FAM53C: variants seen among roughly 807,000 people sequenced by gnomAD.
FAM53C encodes protein FAM53C.
FAM53C carries 10 observed loss-of-function variants against 34.7 expected under a neutral mutation model. That is an observed-to-expected ratio of 0.29 (90% CI 0.18 to 0.49). The LOEUF (loss-of-function observed/expected upper bound fraction) is 0.49, where lower values mean the gene tolerates loss of function less well. Among genes scored for constraint, FAM53C ranks in the 20% least tolerant of loss-of-function variants. The probability of loss-of-function intolerance (pLI) is 0.99; values close to 1 mark genes in which losing one functional copy is unlikely to be tolerated. For missense variants in FAM53C, 442 were observed against 515.3 expected (o/e 0.86, Z 1.38); for synonymous variants, 203 against 203.6 (o/e 1.00, Z 0.03).
upstream of FAM53C, chr5:138,338,004 T>G: frequency 2.3e-6 from 3 of 1,289,600 alleles, no homozygotes; most frequent in Non-Finnish European, 3.0e-6. Context: ...TGCCTCCAAC[T>G]GGGGCCGTCC....
upstream of FAM53C, chr5:138,337,884 G>A: frequency 9.0e-7 from 1 of 1,115,664 alleles, no homozygotes; most frequent in South Asian, 1.3e-5. Context: ...TGCGTGACGC[G>A]GCCCGAACCG....
At chr5:138,342,099 A>G in intron 3 of FAM53C, 1 of 513,286 alleles carries the variant, frequency 1.9e-6, no homozygotes, top group Admixed American at 3.4e-5. Flanking sequence ...TTGAATAGGT[A>G]ATACATTCAC....
At chr5:138,338,589 A>ACCC (rs60039274) in intron 1 of FAM53C, among the ~76,000 whole-genome samples, 2 of 126,968 alleles carry the variant, frequency 1.6e-5, no homozygotes, top group Non-Finnish European at 3.4e-5. Flanking sequence ...GCCCTGGCGC[A>ACCC]CCCCCCCCCC....
rs764011405 is a variant in FAM53C, at chr5:138,341,173, C to T, written c.-152-11C>T. 2.1e-5 allele frequency: 16 copies of T among 752,444 alleles called. 1 individual carries two copies. The highest frequency in any genetic ancestry group is 2.1e-4 in the South Asian group (15 of 72,550). 46.6% of individuals were successfully genotyped at this position (752,444 alleles called of 1,614,324 possible). On this transcript the variant is annotated splice_polypyrimidine_tract_variant and intron_variant, in intron 1 of 4. Coordinates refer to ENST00000239906, the MANE Select transcript of FAM53C (RefSeq NM_016605.3). ...CTAATATCACTTGGGGCTGGTCCCT[C>T]TAATTGGCAGACTCAGCAGGCATGA...
At chr5:138,344,710 CAT>C in intron 3 of FAM53C, 113 bp from the exon 4 acceptor site, 2 of 855,522 alleles carry the variant, frequency 2.3e-6, no homozygotes, top group Non-Finnish European at 3.5e-6. Flanking sequence ...CTACCTACCT[CAT>C]AAGGTTTTTG....
rs1050848686 is a variant in FAM53C at position 138,341,497 on chromosome 5, C to T, written c.78+84C>T. 9 of 1,247,582 alleles carry T rather than the reference C, an allele frequency of 7.2e-6. No individual in the cohort carries two copies. In the African/African-American group the frequency reaches 8.8e-5, roughly 12 times the overall value. The allele number at this position is 1,247,582 out of a possible 1,614,324, so 77.3% of individuals were successfully genotyped here. On this transcript the variant is annotated intron_variant, in intron 2 of 4. Transcript: ENST00000239906. ...TTGTTGCTATTACTTTACTCTTGTCCTGTGCTGTATGAATCATGGTACTTA... is the reference window on the plus strand; with the variant it reads ...TTGTTGCTATTACTTTACTCTTGTCTTGTGCTGTATGAATCATGGTACTTA...
Position 138,345,440 on chromosome 5 carries a change from C to G in FAM53C, c.752C>G (p.Ser251Cys). 1 of 1,614,016 alleles carries G rather than the reference C, an allele frequency of 6.2e-7. No individual in the cohort carries two copies. The highest frequency in any genetic ancestry group is 8.5e-7 in the Non-Finnish European group (1 of 1,180,044). The change falls in exon 4 of 5, where the codon TCT (serine) becomes TGT (cysteine). Residue 251 changes from serine to cysteine, a missense_variant. By Grantham distance (112) the Ser-to-Cys change is moderately radical (BLOSUM62 -1). Coordinates refer to ENST00000239906, the MANE Select transcript of FAM53C (RefSeq NM_016605.3). The surrounding 1 kb of genome is among the most constrained non-coding windows in gnomAD (Gnocchi z 6.3). ...ASRFLPSARS[S>C]PASSPELPWR... ...CGCTTCTTGCCCTCTGCCCGGAGCTCTCCCGCATCCTCCCCAGAGCTGCCC... is the reference window on the plus strand; with the variant it reads ...CGCTTCTTGCCCTCTGCCCGGAGCTGTCCCGCATCCTCCCCAGAGCTGCCC...
chr5:138,337,963 C>T, upstream of FAM53C: 1 of 1,289,420 alleles, frequency 7.8e-7, no homozygotes, highest in Non-Finnish European at 1.0e-6. Context: ...TACCTTCTTC[C>T]GACATGGCCT....
chr5:138,344,806 T>C lies in FAM53C; in HGVS notation c.137-19T>C. The C allele has an allele frequency of 6.6e-7, 1 of 1,512,656 alleles. No individual in the cohort carries two copies. Among genetic ancestry groups the C allele is most frequent in the Non-Finnish European group, 8.8e-7 (1 of 1,131,276 alleles). The allele number at this position is 1,512,656 out of a possible 1,614,324, so 93.7% of individuals were successfully genotyped here. On this transcript the variant is annotated intron_variant, in intron 3 of 4. Coordinates refer to ENST00000239906, the MANE Select transcript of FAM53C (RefSeq NM_016605.3). ...TGTAAGCTATCATTAATATTATTCT[T>C]ATTATAAATGCCTTCCAGAAGGTGC...
chr5:138,347,442 C>T lies in FAM53C; in HGVS notation c.*483C>T, dbSNP rs1218384009. ...TAGCCTTAGGGAAGGAAGGCAATTG[C>T]TCCTTAACAGCAGAGTATCATGATA... On this transcript the variant is annotated 3_prime_UTR_variant, in exon 5 of 5. Coordinates refer to ENST00000239906, the MANE Select transcript of FAM53C (RefSeq NM_016605.3). The T allele has an allele frequency of 1.2e-5, 2 of 170,760 alleles. No individual in the cohort carries two copies. The highest frequency in any genetic ancestry group is 4.8e-5 in the African/African-American group (2 of 41,524). The allele number at this position is 170,760 out of a possible 1,614,324, so 10.6% of individuals were successfully genotyped here. A position where few individuals can be genotyped will look rare whatever the true frequency, so the allele number is the denominator to read the frequency against.
Position 138,338,297 on chromosome 5 carries a change from G to T in FAM53C, c.-163G>T, listed in dbSNP as rs535091734. 138 of 660,006 alleles carry T rather than the reference G, an allele frequency of 2.1e-4. No homozygotes were observed. The highest frequency in any genetic ancestry group is 1.3e-3 in the South Asian group (87 of 68,256). 40.9% of individuals were successfully genotyped at this position (660,006 alleles called of 1,614,324 possible). On this transcript the variant is annotated 5_prime_UTR_variant, in exon 1 of 5. Coordinates refer to ENST00000239906, the MANE Select transcript of FAM53C (RefSeq NM_016605.3). The stretch of plus-strand genomic sequence containing the variant: ...GCTCCGGCCGCGGCCCTGGGAGCTG[G>T]AGGAACCGCGGTAGGTGGTGGAGGG...
In FAM53C at chr5:138,341,516, G is replaced by A. The variant is rs555441836; in HGVS notation, c.78+103G>A. The A allele has an allele frequency of 1.1e-4, 123 of 1,132,396 alleles. No individual in the cohort carries two copies. The African/African-American group carries it at 1.6e-3, about 15-fold the overall frequency. 70.1% of individuals were successfully genotyped at this position (1,132,396 alleles called of 1,614,324 possible). ...CTTGTCCTGTGCTGTATGAATCATG[G>A]TACTTAACCTGGAAGAGCCCACTAA... is the stretch of plus-strand genomic sequence containing the variant. On this transcript the variant is annotated intron_variant, in intron 2 of 4. Coordinates refer to ENST00000239906, the MANE Select transcript of FAM53C (RefSeq NM_016605.3).
chr5:138,346,865 G>A lies in FAM53C; in HGVS notation c.1085G>A (p.Gly362Glu), dbSNP rs768377116. The change falls in exon 5 of 5, where the codon GGG becomes GAG. Residue 362 changes from glycine (G) to glutamate (E), a missense_variant. Physicochemically the swap from Gly to Glu is moderately conservative, Grantham distance 98. Coordinates refer to ENST00000239906, the MANE Select transcript of FAM53C (RefSeq NM_016605.3). ...VLSESEEEEE[G>E]AVRWGRQALS... Reference sequence around the variant, plus strand: ...AGTGAAAGCGAAGAGGAGGAGGAGGGGGCTGTGCGGTGGGGTCGGCAGGCG... The same window carrying A: ...AGTGAAAGCGAAGAGGAGGAGGAGGAGGCTGTGCGGTGGGGTCGGCAGGCG... The A allele has an allele frequency of 4.3e-6, 7 of 1,614,172 alleles. No individual in the cohort carries two copies. The South Asian group carries it at 7.7e-5, about 18-fold the overall frequency.
chr5:138,339,906 C>G (rs2126884337), intron 1 of FAM53C, among the ~76,000 whole-genome samples: 1 of 152,228 alleles, frequency 6.6e-6, no homozygotes, highest in East Asian at 1.9e-4. Context: ...GAGATAATTC[C>G]TCTTTTTTGT....
At position 138,348,740 on chromosome 5, in the gene FAM53C, C is replaced by T. The variant is rs538345663; in HGVS notation, c.*1781C>T. On this transcript the variant is annotated 3_prime_UTR_variant, in exon 5 of 5. Coordinates refer to ENST00000239906, the MANE Select transcript of FAM53C (RefSeq NM_016605.3). ...GCTAGTTACCACTAGGCTACCAGGTCTCTAGGGGCCTGAGAGAGGCCCTCT... is the reference window on the plus strand; with the variant it reads ...GCTAGTTACCACTAGGCTACCAGGTTTCTAGGGGCCTGAGAGAGGCCCTCT... 1 of 152,368 alleles carries T rather than the reference C, an allele frequency of 6.6e-6. No homozygotes were observed. The highest frequency in any genetic ancestry group is 2.4e-5 in the African/African-American group (1 of 41,586). 9.4% of individuals were successfully genotyped at this position (152,368 alleles called of 1,614,324 possible). A position where few individuals can be genotyped will look rare whatever the true frequency, so the allele number is the denominator to read the frequency against.
chr5:138,346,672 G>C (rs1471782993), intron 4 of FAM53C, 30 bp from the exon 5 acceptor site: 2 of 1,613,352 alleles, frequency 1.2e-6, no homozygotes, highest in Non-Finnish European at 1.7e-6. Flanking sequence ...TTGCCTTCAG[G>C]TGTAACTGTC....
In FAM53C at chr5:138,338,298, A is replaced by C. The variant is rs373425900; in HGVS notation, c.-162A>C. ...CTCCGGCCGCGGCCCTGGGAGCTGG[A>C]GGAACCGCGGTAGGTGGTGGAGGGC... On this transcript the variant is annotated 5_prime_UTR_variant, in exon 1 of 5. Coordinates refer to ENST00000239906, the MANE Select transcript of FAM53C (RefSeq NM_016605.3). 1.5e-6 allele frequency: 1 copy of C among 658,746 alleles called. No individual in the cohort carries two copies. The highest frequency in any genetic ancestry group is 2.4e-5 in the Admixed American group (1 of 41,860). The allele number at this position is 658,746 out of a possible 1,614,324, so 40.8% of individuals were successfully genotyped here. A position where few individuals can be genotyped will look rare whatever the true frequency, so the allele number is the denominator to read the frequency against.
chr5:138,343,868 T>C (rs1761098866), intron 3 of FAM53C: 1 of 152,204 alleles, frequency 6.6e-6, no homozygotes, highest in Non-Finnish European at 1.5e-5. Flanking sequence ...CCTGCCCTCA[T>C]AGTGGTTAGT....
chr5:138,341,600 G>T lies in FAM53C; in HGVS notation c.78+187G>T, dbSNP rs1217628476. On this transcript the variant is annotated intron_variant, in intron 2 of 4. Coordinates refer to ENST00000239906, the MANE Select transcript of FAM53C (RefSeq NM_016605.3). ...GGGATTTTTCCACCGATAGAGAAGG[G>T]ACAGCAAAACTTGGGTGGAGAAGGG... is the stretch of plus-strand genomic sequence containing the variant. 4.1e-6 allele frequency: 3 copies of T among 740,342 alleles called. No homozygotes were observed. The African/African-American group carries it at 5.3e-5, about 13-fold the overall frequency. The allele number at this position is 740,342 out of a possible 1,614,324, so 45.9% of individuals were successfully genotyped here.
Sources: allele counts gnomAD v4.1 joint callset (sites outside exome capture counted in the v4.1 genomes callset), GRCh38; gene constraint gnomAD v4.1.1; non-coding constraint Gnocchi (gnomAD v3.1); transcripts MANE v1.5; gene names NCBI Gene and HGNC (gene_info 2026-07-23, HGNC 2026-07-21).